The following MYH8 variants were observed in gnomAD, a reference collection of about 807,000 sequenced individuals.
The protein encoded by MYH8 is myosin heavy chain 8.
In MYH8, 168 loss-of-function variants were observed where a neutral mutation model predicts 233.2. The ratio of observed to expected loss-of-function variants is 0.72; its 90% confidence interval spans 0.64 to 0.82. The LOEUF (loss-of-function observed/expected upper bound fraction) is 0.82, where lower values mean the gene tolerates loss of function less well. Ranked by LOEUF, MYH8 falls within the 40% of genes least tolerant of loss-of-function variation. The probability of loss-of-function intolerance (pLI) is 0.00; values close to 1 mark genes in which losing one functional copy is unlikely to be tolerated. For missense variants in MYH8, 1,995 were observed against 2,327.8 expected, an observed-to-expected ratio of 0.86 and a Z score of 2.94; for synonymous variants, 785 against 850.6, an observed-to-expected ratio of 0.92 and a Z score of 1.34.
At chr17:10,402,221 T>G (rs1447975748) in intron 22 of MYH8, among the ~76,000 whole-genome samples, 1 of 152,168 alleles carries the variant, frequency 6.6e-6, no homozygotes, top group African/African-American at 2.4e-5. Flanking sequence ...ATTTAAAGAT[T>G]TTGATTTAGT....
intron 12 of MYH8, 24 bp downstream of exon 12, chr17:10,413,878 C>A (rs774764933): frequency 1.9e-6 from 3 of 1,613,522 alleles, no homozygotes; most frequent in Non-Finnish European, 2.5e-6. Flanking sequence ...TCTCATTAAA[C>A]CCAGATAAAG....
chr17:10,407,512 C>A (rs2159056), intron 17 of MYH8, among the ~76,000 whole-genome samples: 95,827 of 151,878 alleles, frequency 0.63, 31,167 homozygotes, highest in African/African-American at 0.73. Context: ...GGACCTCTTA[C>A]CCTCTTGTTT....
chr17:10,419,928 G>T lies in MYH8; in HGVS notation c.210+90C>A. 2 of 1,394,328 alleles carry T rather than the reference G, an allele frequency of 1.4e-6. No homozygotes were observed. Among genetic ancestry groups the T allele is most frequent in the Non-Finnish European group, 1.0e-6 (1 of 983,308 alleles). The allele number at this position is 1,394,328 out of a possible 1,614,324, so 86.4% of individuals were successfully genotyped here. A position where few individuals can be genotyped will look rare whatever the true frequency, so the allele number is the denominator to read the frequency against. ...ACTGACTAGAAGGGTGTTTGCATTG[G>T]CAACAGGCTTGGAGATTCCCAGTAA... On this transcript the variant is annotated intron_variant, in intron 3 of 39. Transcript: ENST00000403437. The surrounding 1 kb of genome is among the most constrained non-coding windows in gnomAD (Gnocchi z 4.0).
Position 10,404,474 on chromosome 17 carries a change from G to C in MYH8, c.2544C>G (p.Thr848=), listed in dbSNP as rs140061321. ...KIKPLLKSAE[T]EKEMATMKEE... ...CCTTCATGGTGGCCATCTCTTTCTC[G>C]GTCTCTGCACTCTTGAGGAGGGGCT... The change falls in exon 22 of 40, where the codon ACC becomes ACG. Residue 848 remains threonine, a synonymous_variant. Coordinates refer to ENST00000403437, the MANE Select transcript of MYH8 (RefSeq NM_002472.3). 3.1e-6 allele frequency: 5 copies of C among 1,613,574 alleles called. No individual in the cohort carries two copies. The South Asian group carries it at 4.4e-5, about 14-fold the overall frequency.
At chr17:10,392,007 C>T in intron 38 of MYH8, 30 bp from the exon 39 acceptor site, 1 of 1,579,658 alleles carries the variant, frequency 6.3e-7, no homozygotes, top group Middle Eastern at 1.7e-4. Flanking sequence ...AATCTGCATT[C>T]ATTCCGAAGA....
chr17:10,419,133 C>T lies in MYH8; in HGVS notation c.211-103G>A. On this transcript the variant is annotated intron_variant, in intron 3 of 39. Coordinates refer to ENST00000403437, the MANE Select transcript of MYH8 (RefSeq NM_002472.3). This position sits in a 1 kb window ranked among gnomAD's most constrained non-coding sequence, Gnocchi z 4.0. ...AGTGCAGTGGCGCGATCTCAGCTCA[C>T]TGCAACCTCCGCCCTCCTGCTTCAA... 7.5e-7 allele frequency: 1 copy of T among 1,330,078 alleles called. No individual in the cohort carries two copies. The highest frequency in any genetic ancestry group is 1.1e-6 in the Non-Finnish European group (1 of 941,714). 82.4% of individuals were successfully genotyped at this position (1,330,078 alleles called of 1,614,324 possible).
In MYH8 at chr17:10,400,773, T is replaced by C; in HGVS notation, c.3352A>G (p.Ile1118Val). 1 of 1,614,106 alleles carries C rather than the reference T, an allele frequency of 6.2e-7. No individual in the cohort carries two copies. The highest frequency in any genetic ancestry group is 1.1e-5 in the South Asian group (1 of 91,080). Residue 1118 changes from isoleucine (I) to valine (V), a missense_variant, in exon 27 of 40, where the codon ATT (isoleucine) becomes GTT (valine). By Grantham distance (29) the Ile-to-Val change is conservative. Transcript: ENST00000403437. This position sits in a 1 kb window ranked among gnomAD's most constrained non-coding sequence, Gnocchi z 4.0. ...QKKIKELQAR[I>V]EELGEEIEAE... ...TCGATTTCTTCCCCCAGCTCCTCAA[T>C]GCGGGCCTGGGAATGAAAGAAGCAC...
At chr17:10,409,222 T>C in intron 16 of MYH8, 57 bp downstream of exon 16, 1 of 1,613,386 alleles carries the variant, frequency 6.2e-7, no homozygotes, top group Non-Finnish European at 8.5e-7. Context: ...TATATGAACA[T>C]GTATTATAAC....
At chr17:10,421,860 A>C (rs1178901744) in intron 1 of MYH8, 70 bp downstream of exon 1, 1 of 152,180 alleles carries the variant, frequency 6.6e-6, no homozygotes, top group African/African-American at 2.4e-5. Flanking sequence ...TTTAATGCTC[A>C]CAGATAACTA....
intron 29 of MYH8, 32 bp downstream of exon 29, chr17:10,398,736 G>A: frequency 1.9e-6 from 3 of 1,613,570 alleles, no homozygotes; most frequent in South Asian, 2.2e-5. Context: ...GTTTAGATTT[G>A]GTTAGTCAAA....
At chr17:10,392,484 G>T in intron 38 of MYH8, 58 bp downstream of exon 38, 2 of 1,456,438 alleles carry the variant, frequency 1.4e-6, no homozygotes, top group Non-Finnish European at 1.9e-6. Flanking sequence ...TAGTCATAAG[G>T]TTTTCAATTT....
In MYH8 at chr17:10,415,002, C is replaced by T. The variant is rs1358937365; in HGVS notation, c.805+114G>A. ...GCCTAGCATTAGCTTACAGGCAGTA[C>T]TGGCAGCAGACTACCCTTTTAACAG... is the stretch of plus-strand genomic sequence containing the variant. On this transcript the variant is annotated intron_variant, in intron 9 of 39. Coordinates refer to ENST00000403437, the MANE Select transcript of MYH8 (RefSeq NM_002472.3). This position sits in a 1 kb window ranked among gnomAD's most constrained non-coding sequence, Gnocchi z 4.1. 2.1e-6 allele frequency: 2 copies of T among 949,232 alleles called. No homozygotes were observed. The highest frequency in any genetic ancestry group is 3.5e-6 in the Non-Finnish European group (2 of 577,210). The allele number at this position is 949,232 out of a possible 1,614,324, so 58.8% of individuals were successfully genotyped here.
chr17:10,392,549 G>T lies in MYH8; in HGVS notation c.5561C>A (p.Thr1854Asn). ...RKHERRVKEL[T>N]YQTEEDRKNV... ...GAAGGCTATTCCCTTTACCTGGTAG[G>T]TGAGTTCTTTTACTCGTCGCTCATG... The change falls in exon 38 of 40, where the codon ACC becomes AAC. Residue 1854 changes from threonine (T) to asparagine (N), a missense_variant. Physicochemically the swap from Thr to Asn is moderately conservative, Grantham distance 65. Coordinates refer to ENST00000403437, the MANE Select transcript of MYH8 (RefSeq NM_002472.3). 1 of 1,613,800 alleles carries T rather than the reference G, an allele frequency of 6.2e-7. No homozygotes were observed. The highest frequency in any genetic ancestry group is 8.5e-7 in the Non-Finnish European group (1 of 1,179,662).
At position 10,398,875 on chromosome 17, in the gene MYH8, G is replaced by A. The variant is rs150008607; in HGVS notation, c.3874C>T (p.Arg1292Ter). The change falls in exon 29 of 40, where the codon CGA becomes TGA. Residue 1292 changes from arginine (R) to a stop codon, truncating the protein, a stop_gained. Coordinates refer to ENST00000403437, the MANE Select transcript of MYH8 (RefSeq NM_002472.3). LOFTEE classifies it high-confidence loss of function. ...RLQTEAGEYS[R>*]QLDEKDALVS... The stretch of plus-strand genomic sequence containing the variant: ...AAAGCATCTTTCTCATCTAATTGTC[G>A]AGAATATTCACCTAGGAATAATAGA... 285 of 1,612,060 alleles carry A rather than the reference G, an allele frequency of 1.8e-4. 1 individual carries two copies. The East Asian group carries it at 5.0e-3, about 28-fold the overall frequency.
rs372583055 is a variant in MYH8 at position 10,409,372 on chromosome 17, C to T, written c.1804G>A (p.Asp602Asn). The T allele has an allele frequency of 2.5e-6, 4 of 1,614,044 alleles. No homozygotes were observed. The highest frequency in any genetic ancestry group is 2.5e-6 in the Non-Finnish European group (3 of 1,180,038). The change falls in exon 16 of 40, where the codon GAC becomes AAC. Residue 602 changes from aspartate to asparagine, a missense_variant. Transcript: ENST00000403437. ...NITGWLDKNK[D>N]PLNDTVVGLY... is the part of the protein sequence containing the mutation. ...CCAACCACAGTATCATTCAGGGGGT[C>T]CTTATTTTTGTCCAGCCAGCCAGTA...
At position 10,390,379 on chromosome 17, in the gene MYH8, G is replaced by A. The variant is rs935196478; in HGVS notation, c.*75C>T. 6.4e-6 allele frequency: 10 copies of A among 1,557,968 alleles called. No homozygotes were observed. The highest frequency in any genetic ancestry group is 1.4e-5 in the African/African-American group (1 of 73,722). On this transcript the variant is annotated 3_prime_UTR_variant, in exon 40 of 40. Coordinates refer to ENST00000403437, the MANE Select transcript of MYH8 (RefSeq NM_002472.3). ...ATTCAGCTTTAACAGGAAAATAAAC[G>A]TCATAAAGCAAGTGACCAAAAATAG...
In MYH8 at chr17:10,414,292, A is replaced by G. The variant is rs2072270491; in HGVS notation, c.908T>C (p.Met303Thr). The G allele has an allele frequency of 6.2e-7, 1 of 1,613,876 alleles. No individual in the cohort carries two copies. Among genetic ancestry groups the G allele is most frequent in the Non-Finnish European group, 8.5e-7 (1 of 1,179,824 alleles). Residue 303 changes from methionine (M) to threonine (T), a missense_variant, in exon 11 of 40, where the codon ATG (methionine) becomes ACG (threonine). Around this residue, in one of 3 missense-constraint regions of MYH8, gnomAD observed 479 missense variants for 600.9 expected, o/e 0.80. Coordinates refer to ENST00000403437, the MANE Select transcript of MYH8 (RefSeq NM_002472.3). ...ATATGGGTTGGTGGTGATCAGGAGC[A>G]TTTCTGGGTCACAGAATTCAGGGCA... ...TSNKKPDLIE[M>T]LLITTNPYDY...
chr17:10,393,386 A>C (rs1205907976), intron 35 of MYH8, among the ~76,000 whole-genome samples, 176 bp from the exon 36 acceptor site: 1 of 152,168 alleles, frequency 6.6e-6, no homozygotes, highest in East Asian at 1.9e-4. Flanking sequence ...CTTTCCCCCA[A>C]CTTCCCCAGT....
rs745732819 is a variant in MYH8, at chr17:10,409,335, T to C, written c.1841A>G (p.Lys614Arg). ...ACTGGCTAGAGTCTTCATTGCAGACTTCTGGTACAGCCCAACCACAGTATC... is the reference window on the plus strand; with the variant it reads ...ACTGGCTAGAGTCTTCATTGCAGACCTCTGGTACAGCCCAACCACAGTATC... ...LNDTVVGLYQKSAMKTLASLF... is the reference protein window; with the variant it reads ...LNDTVVGLYQRSAMKTLASLF... Residue 614 changes from lysine (K) to arginine (R), a missense_variant, in exon 16 of 40, where the codon AAG (lysine) becomes AGG (arginine). Coordinates refer to ENST00000403437, the MANE Select transcript of MYH8 (RefSeq NM_002472.3). 7 of 1,614,156 alleles carry C rather than the reference T, an allele frequency of 4.3e-6. No individual in the cohort carries two copies. The Admixed American group carries it at 6.7e-5, about 15-fold the overall frequency.
Sources: gnomAD v4.1 joint callset for allele counts (sites outside exome capture counted in the v4.1 genomes callset) on GRCh38, gnomAD v4.1.1 for gene constraint, gnomAD v4.1.1 regional missense constraint, Gnocchi (gnomAD v3.1) non-coding constraint, MANE v1.5 for transcripts, NCBI Gene and HGNC (gene_info 2026-07-23, HGNC 2026-07-21) for gene names.